The following KIAA1191 variants were observed in gnomAD, a reference collection of about 807,000 sequenced individuals.
KIAA1191 encodes KIAA1191.
A neutral mutation model predicts 31.1 loss-of-function variants in KIAA1191; 22 were observed. The ratio of observed to expected loss-of-function variants is 0.71; its 90% CI spans 0.51 to 1.01. The LOEUF is 1.01. KIAA1191 is among the 50% of genes least tolerant of loss of function. The pLI is 0.00. For missense variants in KIAA1191, 319 were observed against 388.0 expected (o/e 0.82, Z 1.49); for synonymous variants, 130 against 143.9 (o/e 0.90, Z 0.69).
chr5:176,352,879 G>A, intron 4 of KIAA1191, 131 bp from the exon 5 acceptor site: 2 of 1,011,180 alleles, frequency 2.0e-6, no homozygotes, highest in Non-Finnish European at 2.8e-6. Flanking sequence ...TTGAAGGGAG[G>A]AGTTGGTCAT....
At position 176,355,478 on chromosome 5, in the gene KIAA1191, G is replaced by T; in HGVS notation, c.207+93C>A. 1 of 1,185,326 alleles carries T rather than the reference G, an allele frequency of 8.4e-7. No individual in the cohort carries two copies. Among genetic ancestry groups the T allele is most frequent in the Non-Finnish European group, 1.2e-6 (1 of 824,924 alleles). The allele number at this position is 1,185,326 out of a possible 1,614,324, so 73.4% of individuals were successfully genotyped here. A position where few individuals can be genotyped will look rare whatever the true frequency, so the allele number is the denominator to read the frequency against. Reference sequence around the variant, plus strand: ...ACATACAGGGAGTGGTTGCTGCCCAGTCCCATGGGCACAGGGAGCCACTGA... The same window carrying T: ...ACATACAGGGAGTGGTTGCTGCCCATTCCCATGGGCACAGGGAGCCACTGA... On this transcript the variant is annotated intron_variant, in intron 4 of 8. Coordinates refer to ENST00000298569, the MANE Select transcript of KIAA1191 (RefSeq NM_020444.5). The surrounding 1 kb of genome is among the most constrained non-coding windows in gnomAD (Gnocchi z 4.2).
rs1194842755 is a variant in KIAA1191 at position 176,352,693 on chromosome 5, A to G, written c.263T>C (p.Ile88Thr). The G allele has an allele frequency of 5.6e-6, 9 of 1,613,680 alleles. No homozygotes were observed. The highest frequency in any genetic ancestry group is 2.2e-5 in the East Asian group (1 of 44,882). ...PSPAMTLSSAIDSVDKVPVVK... is the reference protein window; with the variant it reads ...PSPAMTLSSATDSVDKVPVVK... ...CACTGGGACCTTGTCCACACTGTCA[A>G]TGGCTGATGACAGGGTCATGGCAGG... Residue 88 changes from isoleucine (I) to threonine (T), a missense_variant, in exon 5 of 9, where the codon ATT (isoleucine) becomes ACT (threonine). Transcript: ENST00000298569.
At chr5:176,349,669 A>C (rs1030639796) in intron 6 of KIAA1191, among the ~76,000 whole-genome samples, 17 of 152,134 alleles carry the variant, frequency 1.1e-4, no homozygotes, top group Non-Finnish European at 2.1e-4. Flanking sequence ...AACAGGCCAC[A>C]GTTTTATATC....
intron 8 of KIAA1191, 52 bp from the exon 9 acceptor site, chr5:176,347,860 C>T (rs772301684): frequency 4.3e-6 from 7 of 1,609,806 alleles, no homozygotes; most frequent in South Asian, 2.2e-5. Context: ...AAACAGCTCC[C>T]GGTATACAAT....
intron 4 of KIAA1191, 44 bp from the exon 5 acceptor site, chr5:176,352,792 G>T: frequency 6.3e-7 from 1 of 1,578,518 alleles, no homozygotes; most frequent in South Asian, 1.1e-5. Context: ...GGCAGGGCAG[G>T]GGAGTCACAC....
intron 6 of KIAA1191, among the ~76,000 whole-genome samples, chr5:176,349,849 C>A (rs944957689): frequency 6.6e-6 from 1 of 152,180 alleles, no homozygotes. Flanking sequence ...TTCTGACCCC[C>A]CCTTGCCTAA....
chr5:176,350,794 G>A lies in KIAA1191; in HGVS notation c.335-57C>T. ...TTCCCCTCTCCCATCACAAAATAAG[G>A]AGGACAACATGGATATCTACTATTC... On this transcript the variant is annotated intron_variant, in intron 5 of 8. Coordinates refer to ENST00000298569, the MANE Select transcript of KIAA1191 (RefSeq NM_020444.5). The A allele has an allele frequency of 1.9e-6, 3 of 1,600,350 alleles. No individual in the cohort carries two copies. In the Admixed American group the frequency reaches 5.1e-5, roughly 27 times the overall value.
intron 5 of KIAA1191, among the ~76,000 whole-genome samples, chr5:176,351,334 C>T (rs922433643): frequency 8.0e-5 from 12 of 149,654 alleles, no homozygotes; most frequent in Non-Finnish European, 1.5e-4. Flanking sequence ...GAGCAAGACT[C>T]CATCTCAAAA....
chr5:176,347,683 C>T lies in KIAA1191; in HGVS notation c.835G>A (p.Val279Met), dbSNP rs2113452066. ...GGTGGCTGTTTCTTTCCTTCCATCA[C>T]TGGGATGTCCATCTTGGGGGGCTTC... The part of the protein sequence containing the change: ...ALKPPKMDIP[V>M]MEGKKQPPRA... Residue 279 changes from valine (V) to methionine (M), a missense_variant, in exon 9 of 9, where the codon GTG becomes ATG. Val to Met is a conservative substitution (Grantham distance 21). Transcript: ENST00000298569. 2 of 1,592,940 alleles carry T rather than the reference C, an allele frequency of 1.3e-6. No individual in the cohort carries two copies. The highest frequency in any genetic ancestry group is 1.7e-6 in the Non-Finnish European group (2 of 1,171,760).
At chr5:176,352,160 A>AC (rs1284284190) in intron 5 of KIAA1191, among the ~76,000 whole-genome samples, 1 of 149,506 alleles carries the variant, frequency 6.7e-6, no homozygotes, top group Non-Finnish European at 1.5e-5. Context: ...TGTTTAAAAA[A>AC]AAAAAAACAA....
Position 176,352,657 on chromosome 5 carries a change from T to A in KIAA1191, c.299A>T (p.Lys100Ile). ...AGAATTCATGATGACATGGGTAGCT[T>A]TAGCCTTCACCACTGGGACCTTGTC... is the stretch of plus-strand genomic sequence containing the variant. ...SVDKVPVVKA[K>I]ATHVIMNSLI... Residue 100 changes from lysine (K) to isoleucine (I), a missense_variant, in exon 5 of 9, where the codon AAA becomes ATA. Coordinates refer to ENST00000298569, the MANE Select transcript of KIAA1191 (RefSeq NM_020444.5). The A allele has an allele frequency of 6.2e-7, 1 of 1,613,960 alleles. No homozygotes were observed.
rs563024237 is a variant in KIAA1191 at position 176,355,294 on chromosome 5, C to T, written c.207+277G>A. Among the ~76,000 whole-genome samples, 4 of 151,880 alleles carry T rather than the reference C, an allele frequency of 2.6e-5. No individual in the cohort carries two copies. The highest frequency in any genetic ancestry group is 1.3e-4 in the Admixed American group (2 of 15,254). On this transcript the variant is annotated intron_variant, in intron 4 of 8. Transcript: ENST00000298569. This position sits in a 1 kb window ranked among gnomAD's most constrained non-coding sequence, Gnocchi z 4.2. ...TCTATTGGGTACACTGTACACTATTCGGGTGACGGGTGCACTAAAAGCCCA... is the reference window on the plus strand; with the variant it reads ...TCTATTGGGTACACTGTACACTATTTGGGTGACGGGTGCACTAAAAGCCCA...
rs781546859 is a variant in KIAA1191 at position 176,348,279 on chromosome 5, A to T, written c.537T>A (p.Thr179=). 1.2e-6 allele frequency: 2 copies of T among 1,613,656 alleles called. No individual in the cohort carries two copies. The highest frequency in any genetic ancestry group is 1.7e-6 in the Non-Finnish European group (2 of 1,179,916). Residue 179 remains threonine, a synonymous_variant, in exon 7 of 9, where the codon ACT becomes ACA. Transcript: ENST00000298569. ...GCCTCTGCTTAGGTGAAGAGTGCGG[A>T]GTGGTGCTTGGGGTGGACTGGGCTG... ...PASAQSTPST[T]PHSSPKQRPR... is the part of the protein sequence containing the mutation.
At chr5:176,350,866 T>C (rs1715269638) in intron 5 of KIAA1191, 129 bp from the exon 6 acceptor site, 13 of 1,170,422 alleles carry the variant, frequency 1.1e-5, no homozygotes, top group Middle Eastern at 2.0e-4. Context: ...AAGAGGAGAC[T>C]TTCCCCAGAG....
chr5:176,357,241 CAG>C (rs1767586794), intron 3 of KIAA1191: 1 of 151,714 alleles, frequency 6.6e-6, no homozygotes, highest in African/African-American at 2.4e-5. Context: ...GCGGAGGTTG[CAG>C]AGAGCCAAGA....
intron 3 of KIAA1191, chr5:176,357,137 C>T (rs1400134969): frequency 6.6e-6 from 1 of 152,094 alleles, no homozygotes; most frequent in African/African-American, 2.4e-5. Context: ...CCCATCTCTA[C>T]TCAAAATACA....
chr5:176,360,569 G>A (rs1212682561), intron 1 of KIAA1191, among the ~76,000 whole-genome samples: 4 of 152,006 alleles, frequency 2.6e-5, no homozygotes, highest in African/African-American at 4.8e-5. Flanking sequence ...GCGAGACCCA[G>A]GCGGGCAGAT....
chr5:176,361,073 A>G lies in KIAA1191; in HGVS notation c.-168+529T>C, dbSNP rs961859143. ...ATAGTTCTTCACTAACGAGCATCGC[A>G]AAGGCCGAATTCAGCCATCCTCCCA... On this transcript the variant is annotated intron_variant, in intron 1 of 8. Transcript: ENST00000298569. The surrounding 1 kb of genome is among the most constrained non-coding windows in gnomAD (Gnocchi z 4.0). 3 of 152,300 alleles carry G rather than the reference A, an allele frequency of 2.0e-5. No individual in the cohort carries two copies. Among genetic ancestry groups the G allele is most frequent in the African/African-American group, 7.2e-5 (3 of 41,438 alleles). The allele number at this position is 152,300 out of a possible 1,614,324, so 9.4% of individuals were successfully genotyped here.
chr5:176,358,027 A>T (rs929215254), intron 3 of KIAA1191, among the ~76,000 whole-genome samples: 4 of 152,214 alleles, frequency 2.6e-5, no homozygotes, highest in Admixed American at 2.6e-4. Context: ...CTTCATCATC[A>T]TACTTTACCG....
Sources: gnomAD v4.1 joint callset for allele counts (sites outside exome capture counted in the v4.1 genomes callset) on GRCh38, gnomAD v4.1.1 for gene constraint, Gnocchi (gnomAD v3.1) non-coding constraint, MANE v1.5 for transcripts, NCBI Gene and HGNC (gene_info 2026-07-23, HGNC 2026-07-21) for gene names.